SUGCT: variants seen among roughly 807,000 people sequenced by gnomAD.
SUGCT encodes succinyl-CoA:glutarate-CoA transferase, also known as succinyl-CoA:glutarate CoA-transferase.
In SUGCT, 41 loss-of-function variants were observed where a neutral mutation model predicts 55.0. The ratio of observed to expected loss-of-function variants is 0.74; its 90% CI spans 0.58 to 0.97. SUGCT has a LOEUF of 0.97. SUGCT is among the 50% of genes least tolerant of loss of function. The pLI, the probability that SUGCT is intolerant of heterozygous loss-of-function variation, is 0.00. For synonymous variants in SUGCT, 187 were observed against 200.4 expected, an observed-to-expected ratio of 0.93 and a Z score of 0.56; for missense variants, 568 against 547.8, an observed-to-expected ratio of 1.04 and a Z score of -0.37.
chr7:40,497,361 T>A (rs1792041273), intron 12 of SUGCT, among the ~76,000 whole-genome samples: 1 of 152,196 alleles, frequency 6.6e-6, no homozygotes, highest in Non-Finnish European at 1.5e-5. Flanking sequence ...ATTGAAATAT[T>A]TTAAATTTAA....
At chr7:40,226,337 A>G (rs1377629519) in intron 6 of SUGCT, among the ~76,000 whole-genome samples, 1 of 152,188 alleles carries the variant, frequency 6.6e-6, no homozygotes, top group African/African-American at 2.4e-5. Flanking sequence ...TTGTGGCAAA[A>G]CTTCTTTCCA....
intron 12 of SUGCT, among the ~76,000 whole-genome samples, chr7:40,534,828 A>G (rs6952715): frequency 0.016 from 2,390 of 152,360 alleles, 48 homozygotes; most frequent in African/African-American, 0.052. Flanking sequence ...TTCAAGAAAT[A>G]AAATGTTTTC....
chr7:40,567,248 T>G (rs1032989448), intron 12 of SUGCT, among the ~76,000 whole-genome samples: 2 of 152,278 alleles, frequency 1.3e-5, no homozygotes, highest in African/African-American at 4.8e-5. Context: ...GCAGGTTTTC[T>G]TCAAGGCCTA....
chr7:40,667,054 G>GT (rs1208092259), intron 12 of SUGCT, among the ~76,000 whole-genome samples: 1 of 148,630 alleles, frequency 6.7e-6, no homozygotes, highest in Admixed American at 6.7e-5. Context: ...GGTCAAGGCT[G>GT]TATGGTTGTG....
rs183603177 is a variant in SUGCT, at chr7:40,847,510, G to A, written c.1154-12806G>A. Among the ~76,000 whole-genome samples, 101 of 146,280 alleles carry A rather than the reference G, an allele frequency of 6.9e-4. 1 individual carries two copies. The highest frequency in any genetic ancestry group is 2.3e-3 in the African/African-American group (90 of 39,750). ...CAGCTCACTGCAACCTCCACCTTCC[G>A]GGTTCAAGCGATTCTCCTGCTTTAG... On this transcript the variant is annotated intron_variant, in intron 13 of 13. Coordinates refer to ENST00000335693, the MANE Select transcript of SUGCT (RefSeq NM_001193313.2).
intron 12 of SUGCT, among the ~76,000 whole-genome samples, chr7:40,583,072 C>A (rs1283803980): frequency 6.6e-6 from 1 of 152,062 alleles, no homozygotes; most frequent in Non-Finnish European, 1.5e-5. Context: ...ATTTGCCTTG[C>A]AACACAGTAC....
chr7:40,804,552 C>T (rs760895198), intron 13 of SUGCT, among the ~76,000 whole-genome samples: 5 of 148,022 alleles, frequency 3.4e-5, no homozygotes, highest in South Asian at 2.3e-4. Flanking sequence ...TATCACTGTC[C>T]GGGCCATTAC....
At chr7:40,315,133 T>C (rs776778891) in intron 8 of SUGCT, among the ~76,000 whole-genome samples, 1 of 152,170 alleles carries the variant, frequency 6.6e-6, no homozygotes, top group Non-Finnish European at 1.5e-5. Context: ...TGAAAACCTT[T>C]GGTTTAGCTG....
intron 12 of SUGCT, among the ~76,000 whole-genome samples, chr7:40,527,868 C>A (rs1793886515): frequency 6.6e-6 from 1 of 152,168 alleles, no homozygotes; most frequent in African/African-American, 2.4e-5. Flanking sequence ...AATATGGAAT[C>A]TCAGTCCATT....
Position 40,206,157 on chromosome 7 carries a change from C to G in SUGCT, c.484+11097C>G, listed in dbSNP as rs369644757. On this transcript the variant is annotated intron_variant, in intron 6 of 13. Transcript: ENST00000335693. ...CCAGGACTTAGCCACCATCCAAAAA[C>G]CCTGTCATCAAAACTGAATTGTTTC... 3.9e-4 allele frequency among the ~76,000 whole-genome samples: 60 copies of G among 152,286 alleles called. 1 individual carries two copies. In the South Asian group the frequency reaches 0.012, roughly 31 times the overall value.
At chr7:40,879,607 A>G in the SUGCT span, among the ~76,000 whole-genome samples, 4 of 152,182 alleles carry the variant, frequency 2.6e-5, no homozygotes, top group African/African-American at 4.8e-5. Flanking sequence ...CAATGGTTAC[A>G]TTTCTCCAGT....
chr7:40,487,267 T>G (rs1045527033), intron 11 of SUGCT, among the ~76,000 whole-genome samples: 3 of 139,622 alleles, frequency 2.1e-5, no homozygotes, highest in South Asian at 2.3e-4. Flanking sequence ...TTTTTTTTTT[T>G]TTTTTTTTTT....
At chr7:40,639,989 T>C (rs532056950) in intron 12 of SUGCT, among the ~76,000 whole-genome samples, 3 of 152,324 alleles carry the variant, frequency 2.0e-5, no homozygotes, top group Admixed American at 2.0e-4. Flanking sequence ...ATTAGAAAGC[T>C]ATGAAGATTC....
chr7:40,468,595 G>A (rs1450794672), intron 11 of SUGCT, among the ~76,000 whole-genome samples: 3 of 152,134 alleles, frequency 2.0e-5, no homozygotes, highest in Non-Finnish European at 4.4e-5. Context: ...GAACAGGGAG[G>A]ATTTTTATCA....
the SUGCT span, among the ~76,000 whole-genome samples, chr7:40,971,176 G>A: frequency 5.9e-5 from 9 of 152,294 alleles, no homozygotes; most frequent in Non-Finnish European, 1.3e-4. Flanking sequence ...AAGCAGGCAT[G>A]TCACATGGCA....
rs900901014 is a variant in SUGCT at position 40,645,050 on chromosome 7, A to G, written c.1090-104384A>G. Among the ~76,000 whole-genome samples, 245 of 152,184 alleles carry G rather than the reference A, an allele frequency of 1.6e-3. 2 individuals carry two copies. Among genetic ancestry groups the G allele is most frequent in the East Asian group, 1.5e-3 (8 of 5,176 alleles). On this transcript the variant is annotated intron_variant, in intron 12 of 13. Coordinates refer to ENST00000335693, the MANE Select transcript of SUGCT (RefSeq NM_001193313.2). ...AGGCCTTTTAATCTCATGAGTCAACATCGCTCTGTAGAGCAGGTGCTGCTG... is the reference window on the plus strand; with the variant it reads ...AGGCCTTTTAATCTCATGAGTCAACGTCGCTCTGTAGAGCAGGTGCTGCTG...
At chr7:40,993,038 T>C in the SUGCT span, among the ~76,000 whole-genome samples, 3 of 152,138 alleles carry the variant, frequency 2.0e-5, no homozygotes, top group Non-Finnish European at 4.4e-5. Context: ...ACCTTGGATA[T>C]GTGCATAAAT....
At chr7:41,035,124 A>C in the SUGCT span, among the ~76,000 whole-genome samples, 1 of 152,222 alleles carries the variant, frequency 6.6e-6, no homozygotes. Context: ...CAAAGTACCC[A>C]GTGCACACAG....
chr7:40,859,318 G>A (rs1205890308), intron 13 of SUGCT, among the ~76,000 whole-genome samples: 1 of 152,194 alleles, frequency 6.6e-6, no homozygotes, highest in East Asian at 1.9e-4. Context: ...AAAGTTCATG[G>A]CCTTTAATGG....
Sources: gnomAD v4.1 joint callset for allele counts (sites outside exome capture counted in the v4.1 genomes callset) on GRCh38, gnomAD v4.1.1 for gene constraint, MANE v1.5 for transcripts, NCBI Gene and HGNC (gene_info 2026-07-23, HGNC 2026-07-21) for gene names.